ZNF717: variants seen among roughly 807,000 people sequenced by gnomAD.
ZNF717 encodes the protein zinc finger protein 717.
In ZNF717, 9 loss-of-function variants were observed where a neutral mutation model predicts 13.8. The ratio of observed to expected loss-of-function variants is 0.65; its 90% CI spans 0.39 to 1.14. ZNF717 has a LOEUF of 1.14. ZNF717 is among the 50% of genes most tolerant of loss of function. ZNF717 has a pLI of 0.01. For missense variants in ZNF717, 1,040 were observed against 1,080.7 expected, an observed-to-expected ratio of 0.96 and a Z score of 0.53; for synonymous variants, 327 against 364.1, an observed-to-expected ratio of 0.90 and a Z score of 1.16.
At chr3:75,747,000 T>C (rs1941244318) in intron 2 of ZNF717, among the ~76,000 whole-genome samples, 1 of 152,212 alleles carries the variant, frequency 6.6e-6, no homozygotes, top group African/African-American at 2.4e-5. Flanking sequence ...GTTTTAGGTC[T>C]AACATTTAAG....
intron 2 of ZNF717, among the ~76,000 whole-genome samples, chr3:75,752,817 T>A (rs1575847071): frequency 6.9e-6 from 1 of 144,434 alleles, no homozygotes; most frequent in African/African-American, 2.6e-5. Flanking sequence ...ACACTGCTCC[T>A]GGGGTCTGAA....
At chr3:75,717,110 G>C (rs1200545940) in intron 4 of ZNF717, among the ~76,000 whole-genome samples, 1 of 148,942 alleles carries the variant, frequency 6.7e-6, no homozygotes, top group Non-Finnish European at 1.5e-5. Flanking sequence ...CTAAAGAATG[G>C]AGAAGGCTTT....
chr3:75,701,117 C>T (rs1156536709), intron 6 of ZNF717, among the ~76,000 whole-genome samples: 4 of 152,288 alleles, frequency 2.6e-5, no homozygotes, highest in African/African-American at 9.6e-5. Flanking sequence ...ATTGTAATCC[C>T]CAGATGTTGA....
At chr3:75,751,528 G>C (rs1270728866) in intron 2 of ZNF717, among the ~76,000 whole-genome samples, 1 of 151,734 alleles carries the variant, frequency 6.6e-6, no homozygotes, top group African/African-American at 2.4e-5. Context: ...TAGGATTCCA[G>C]AACACTGCTG....
intron 2 of ZNF717, among the ~76,000 whole-genome samples, chr3:75,777,619 A>C (rs1363736983): frequency 5.3e-5 from 8 of 151,274 alleles, no homozygotes; most frequent in Admixed American, 4.6e-4. Flanking sequence ...ATTTGCTAAA[A>C]CCGGAACCCA....
chr3:75,748,369 T>A (rs1941369420), intron 2 of ZNF717, among the ~76,000 whole-genome samples: 1 of 152,168 alleles, frequency 6.6e-6, no homozygotes, highest in African/African-American at 2.4e-5. Context: ...TACCAAAGCC[T>A]GGACGAGACA....
rs1239356255 is a variant in ZNF717 at position 75,738,355 on chromosome 3, T to C, written c.1268A>G (p.Tyr423Cys). The change falls in exon 5 of 5, where the codon TAT (tyrosine) becomes TGT (cysteine). Residue 423 changes from tyrosine to cysteine, a missense_variant. Tyr to Cys is a radical substitution (Grantham distance 194, BLOSUM62 -2). This residue lies in a region of ZNF717 where 873 missense variants were observed against 832.8 expected (regional missense o/e 1.05). Transcript: ENST00000652011. The stretch of plus-strand genomic sequence containing the variant: ...TGCTTCTTCACAATGGTCACATGCA[T>C]AGGGCTTTTCCCCTGTGTGAGTTCT... ...HHRTHTGEKP[Y>C]ACDHCEEAFS... 1.6e-4 allele frequency: 251 copies of C among 1,534,102 alleles called. No homozygotes were observed. The highest frequency in any genetic ancestry group is 1.2e-3 in the Middle Eastern group (7 of 5,950).
Position 75,738,079 on chromosome 3 carries a change from GT to G in ZNF717, c.1543del (p.Thr515ProfsTer64). ...AGTGAGGAATGACTTACAGCGAAAG[GT>G]TTTCCCACATTCATTGCATTCGTAG... ...KPYECNECGKTFRCKSFLTVH... is the reference protein window; with the variant it reads ...KPYECNECGKXFRCKSFLTVH... On this transcript the variant is annotated frameshift_variant, in exon 5 of 5. Coordinates refer to ENST00000652011, the MANE Select transcript of ZNF717 (RefSeq NM_001290208.3). LOFTEE classifies it low-confidence loss of function (END_TRUNC). 2.2e-6 allele frequency: 3 copies of G among 1,347,782 alleles called. No individual in the cohort carries two copies. Among genetic ancestry groups the G allele is most frequent in the African/African-American group, 1.5e-5 (1 of 68,698 alleles). 83.5% of individuals were successfully genotyped at this position (1,347,782 alleles called of 1,614,324 possible).
chr3:75,781,650 G>C (rs1233499537), intron 2 of ZNF717, among the ~76,000 whole-genome samples: 1 of 152,088 alleles, frequency 6.6e-6, no homozygotes, highest in African/African-American at 2.4e-5. Context: ...AAGACATCAA[G>C]GGCTCCTTAC....
chr3:75,766,106 TA>T (rs1219205784), intron 2 of ZNF717, among the ~76,000 whole-genome samples: 6 of 151,242 alleles, frequency 4.0e-5, no homozygotes, highest in Admixed American at 6.6e-5. Context: ...GACCCTGTCT[TA>T]AAAAAAAATA....
intron 2 of ZNF717, among the ~76,000 whole-genome samples, chr3:75,764,655 A>G (rs184317622): frequency 8.0e-4 from 122 of 152,356 alleles, no homozygotes; most frequent in African/African-American, 2.8e-3. Flanking sequence ...TAGCCAACAG[A>G]TACATGAGAT....
intron 2 of ZNF717, among the ~76,000 whole-genome samples, chr3:75,766,382 T>C (rs1440496334): frequency 6.6e-6 from 1 of 152,000 alleles, no homozygotes; most frequent in Non-Finnish European, 1.5e-5. Context: ...TCAATGGAGA[T>C]GTTAACACTA....
chr3:75,780,400 A>C (rs1250252007), intron 2 of ZNF717, among the ~76,000 whole-genome samples: 1 of 152,210 alleles, frequency 6.6e-6, no homozygotes, highest in African/African-American at 2.4e-5. Context: ...ACTTGACTAA[A>C]AAGGAGGAAT....
intron 4 of ZNF717, among the ~76,000 whole-genome samples, chr3:75,724,434 G>A (rs1420113498): frequency 1.3e-5 from 2 of 149,260 alleles, no homozygotes; most frequent in Non-Finnish European, 3.0e-5. Flanking sequence ...GTAGAGATGG[G>A]GTTTCATCAT....
chr3:75,754,071 C>T lies in ZNF717; in HGVS notation c.58-12335G>A, dbSNP rs1380447384. 4.6e-5 allele frequency among the ~76,000 whole-genome samples: 7 copies of T among 152,232 alleles called. No individual in the cohort carries two copies. The East Asian group carries it at 5.8e-4, about 13-fold the overall frequency. On this transcript the variant is annotated intron_variant, in intron 2 of 4. Transcript: ENST00000652011. ...TGAACACTGCTGCTGCCACTAGAGT[C>T]GTTGCGAGTGTCTGAATGTTTGACC... is the stretch of plus-strand genomic sequence containing the variant.
At chr3:75,726,787 G>GTT (rs879286408), downstream of ZNF717, among the ~76,000 whole-genome samples, 2 of 151,254 alleles carry the variant, frequency 1.3e-5, no homozygotes, top group African/African-American at 2.4e-5. Flanking sequence ...TCAAAGTGCA[G>GTT]TTGTTCCTCA....
intron 2 of ZNF717, among the ~76,000 whole-genome samples, chr3:75,743,609 G>C (rs917412138): frequency 2.8e-4 from 43 of 152,244 alleles, no homozygotes; most frequent in African/African-American, 9.9e-4. Context: ...GGGCTTAAGG[G>C]AAAGCCAGAA....
At chr3:75,719,970 AAATAATAATAAT>A (rs200443242) in intron 4 of ZNF717, among the ~76,000 whole-genome samples, 23 of 146,188 alleles carry the variant, frequency 1.6e-4, no homozygotes, top group South Asian at 1.5e-3. Flanking sequence ...AAATAATAAT[AAATAATAATAAT>A]AATAATAATA....
chr3:75,748,270 G>A (rs779671203), intron 2 of ZNF717, among the ~76,000 whole-genome samples: 23 of 152,132 alleles, frequency 1.5e-4, no homozygotes, highest in Non-Finnish European at 2.8e-4. Flanking sequence ...GCAAGGATAA[G>A]CTGGTACCAT....
Sources: gnomAD v4.1 joint callset for allele counts (sites outside exome capture counted in the v4.1 genomes callset) on GRCh38, gnomAD v4.1.1 for gene constraint, gnomAD v4.1.1 regional missense constraint, MANE v1.5 for transcripts, NCBI Gene and HGNC (gene_info 2026-07-23, HGNC 2026-07-21) for gene names.